GNA11: variants seen among roughly 807,000 people sequenced by gnomAD.
The protein encoded by GNA11 is G protein subunit alpha 11, also known as guanine nucleotide-binding protein subunit alpha-11.
Under a neutral mutation model 38.2 loss-of-function variants are expected in GNA11, and 8 were observed. The observed-to-expected ratio is 0.21, with a 90% CI of 0.12 to 0.38. The LOEUF is 0.38. Among genes scored for constraint, GNA11 ranks in the 10% least tolerant of loss-of-function variants. The probability of loss-of-function intolerance (pLI) is 1.00; values close to 1 mark genes in which losing one functional copy is unlikely to be tolerated. For synonymous variants in GNA11, 211 were observed against 221.4 expected, an observed-to-expected ratio of 0.95 and a Z score of 0.42; for missense variants, 268 against 516.3, an observed-to-expected ratio of 0.52 and a Z score of 4.66.
chr19:3,094,805 G>T lies in GNA11; in HGVS notation c.136+18G>T. 1.3e-6 allele frequency: 2 copies of T among 1,540,410 alleles called. No homozygotes were observed. Among genetic ancestry groups the T allele is most frequent in the South Asian group, 1.2e-5 (1 of 81,216 alleles). On this transcript the variant is annotated intron_variant, in intron 1 of 6. Coordinates refer to ENST00000078429, the MANE Select transcript of GNA11 (RefSeq NM_002067.5). The surrounding 1 kb of genome is among the most constrained non-coding windows in gnomAD (Gnocchi z 6.0). Reference sequence around the variant, plus strand: ...GCTGCTCGGTGAGTGCGGCCCCCGGGCCTGCCGGCTGCGGGCCCTGCCCTG... The same window carrying T: ...GCTGCTCGGTGAGTGCGGCCCCCGGTCCTGCCGGCTGCGGGCCCTGCCCTG...
In GNA11 at chr19:3,122,430, C is replaced by T. The variant is rs77600968; in HGVS notation, c.*1251C>T. The T allele has an allele frequency of 0.015, 3,518 of 231,262 alleles. 96 individuals carry two copies. The highest frequency in any genetic ancestry group is 0.052 in the African/African-American group (2,370 of 45,244). 14.3% of individuals were successfully genotyped at this position (231,262 alleles called of 1,614,324 possible). A position where few individuals can be genotyped will look rare whatever the true frequency, so the allele number is the denominator to read the frequency against. ...TTCCAGGCCTGGCTGGCCACGACCA[C>T]GGCCCGAGGGGGAGCCCGCCAGGCC... On this transcript the variant is annotated 3_prime_UTR_variant, in exon 7 of 7. Transcript: ENST00000078429. The surrounding 1 kb of genome is among the most constrained non-coding windows in gnomAD (Gnocchi z 7.7).
At chr19:3,118,774 G>A (rs1021108837) in intron 4 of GNA11, 150 bp from the exon 5 acceptor site, 6 of 710,284 alleles carry the variant, frequency 8.4e-6, no homozygotes, top group Admixed American at 5.0e-5. Context: ...CTCTGAGAGC[G>A]TCCTTGCCCG....
At position 3,123,642 on chromosome 19, in the gene GNA11, T is replaced by A. The variant is rs1914145980; in HGVS notation, c.*2463T>A. ...AAACCCATGCCCTGGGTCCCCCGGC[T>A]CCCCCAGGGAGGCATCCCCGTGCCA... On this transcript the variant is annotated 3_prime_UTR_variant, in exon 7 of 7. Transcript: ENST00000078429. 1 of 232,542 alleles carries A rather than the reference T, an allele frequency of 4.3e-6. No individual in the cohort carries two copies. Among genetic ancestry groups the A allele is most frequent in the Non-Finnish European group, 8.5e-6 (1 of 117,764 alleles). 14.4% of individuals were successfully genotyped at this position (232,542 alleles called of 1,614,324 possible).
In GNA11 at chr19:3,118,951, G is replaced by A. The variant is rs756381542; in HGVS notation, c.633G>A (p.Ser211=). ...TGGTGGATGTGGGGGGCCAGCGGTC[G>A]GAGCGGAGGAAGTGGATCCACTGCT... ...FRMVDVGGQR[S]ERRKWIHCFE... The change falls in exon 5 of 7, where the codon TCG becomes TCA. Residue 211 remains serine (S), a synonymous_variant. Transcript: ENST00000078429. 23 of 1,613,618 alleles carry A rather than the reference G, an allele frequency of 1.4e-5. No homozygotes were observed. The highest frequency in any genetic ancestry group is 6.7e-5 in the East Asian group (3 of 44,900).
At chr19:3,098,938 T>A (rs1398870471) in intron 1 of GNA11, among the ~76,000 whole-genome samples, 1 of 152,192 alleles carries the variant, frequency 6.6e-6, no homozygotes, top group Admixed American at 6.5e-5. Context: ...AAGGGTCTGC[T>A]TTTCCCGGGC....
rs1398530217 is a variant in GNA11, at chr19:3,108,663, T to C, written c.137-1486T>C. ...AGAAATTAGAAGTTAACTATTGCTGTGTAATGGGGTCACCCCAAAACTTCG... is the reference window on the plus strand; with the variant it reads ...AGAAATTAGAAGTTAACTATTGCTGCGTAATGGGGTCACCCCAAAACTTCG... On this transcript the variant is annotated intron_variant, in intron 1 of 6. Coordinates refer to ENST00000078429, the MANE Select transcript of GNA11 (RefSeq NM_002067.5). The surrounding 1 kb of genome is among the most constrained non-coding windows in gnomAD (Gnocchi z 4.5). 6.6e-6 allele frequency among the ~76,000 whole-genome samples: 1 copy of C among 152,232 alleles called. No homozygotes were observed. The highest frequency in any genetic ancestry group is 1.5e-5 in the Non-Finnish European group (1 of 68,034).
chr19:3,123,919 A>G lies in GNA11; in HGVS notation c.*2740A>G, dbSNP rs78003011. 0.033 allele frequency: 7,649 copies of G among 232,040 alleles called. 629 individuals carry two copies. The highest frequency in any genetic ancestry group is 0.17 in the East Asian group (2,864 of 16,412). The allele number at this position is 232,040 out of a possible 1,614,324, so 14.4% of individuals were successfully genotyped here. A position where few individuals can be genotyped will look rare whatever the true frequency, so the allele number is the denominator to read the frequency against. ...AGCCACCGGCCCTGACCCTTAATCC[A>G]GACACCGATGGAAGTCGACTTTTCA... On this transcript the variant is annotated 3_prime_UTR_variant, in exon 7 of 7. Coordinates refer to ENST00000078429, the MANE Select transcript of GNA11 (RefSeq NM_002067.5).
Position 3,114,590 on chromosome 19 carries a change from G to A in GNA11, c.477-354G>A, listed in dbSNP as rs57763090. On this transcript the variant is annotated intron_variant, in intron 3 of 6. Transcript: ENST00000078429. ...CCCTGGGGCCAGCCAGGCCTCTCTC[G>A]GGAAGTCCCCTGCCCTGGGTCACCG... Among the ~76,000 whole-genome samples the A allele has an allele frequency of 9.9e-3, 1,502 of 152,248 alleles. 29 individuals are homozygous for A. The highest frequency in any genetic ancestry group is 0.035 in the African/African-American group (1,435 of 41,568).
At position 3,121,233 on chromosome 19, in the gene GNA11, C is replaced by T. The variant is rs540737813; in HGVS notation, c.*54C>T. ...GACACGGGGCAGGACCTTCCTTCCA[C>T]GGAGCCTGCGGCTGCCGGGCGGGTG... On this transcript the variant is annotated 3_prime_UTR_variant, in exon 7 of 7. Coordinates refer to ENST00000078429, the MANE Select transcript of GNA11 (RefSeq NM_002067.5). 176 of 1,417,296 alleles carry T rather than the reference C, an allele frequency of 1.2e-4. 2 individuals carry two copies. Among genetic ancestry groups the T allele is most frequent in the South Asian group, 6.7e-4 (55 of 82,514 alleles). The allele number at this position is 1,417,296 out of a possible 1,614,324, so 87.8% of individuals were successfully genotyped here. A position where few individuals can be genotyped will look rare whatever the true frequency, so the allele number is the denominator to read the frequency against.
At chr19:3,098,844 G>T (rs1323350836) in intron 1 of GNA11, among the ~76,000 whole-genome samples, 1 of 152,094 alleles carries the variant, frequency 6.6e-6, no homozygotes, top group East Asian at 1.9e-4. Flanking sequence ...CCGAGCCCAG[G>T]CCAGGGAGAC....
rs190608339 is a variant in GNA11 at position 3,108,025 on chromosome 19, T to G, written c.137-2124T>G. Among the ~76,000 whole-genome samples, 9 of 152,290 alleles carry G rather than the reference T, an allele frequency of 5.9e-5. No homozygotes were observed. The highest frequency in any genetic ancestry group is 1.2e-4 in the Non-Finnish European group (8 of 68,016). ...GGATTACTACCTGAGACAATCAAAATCAATTTTCTTTCTTCTGAAAAGGAC... is the reference window on the plus strand; with the variant it reads ...GGATTACTACCTGAGACAATCAAAAGCAATTTTCTTTCTTCTGAAAAGGAC... On this transcript the variant is annotated intron_variant, in intron 1 of 6. Transcript: ENST00000078429. This position sits in a 1 kb window ranked among gnomAD's most constrained non-coding sequence, Gnocchi z 4.5.
intron 4 of GNA11, among the ~76,000 whole-genome samples, chr19:3,115,694 G>A (rs1913894537): frequency 1.3e-5 from 2 of 149,538 alleles, no homozygotes; most frequent in African/African-American, 5.0e-5. Flanking sequence ...TGCGGGAGGG[G>A]TCATAGGGAC....
rs1914088077 is a variant in GNA11, at chr19:3,121,788, GA to G, written c.*610del. 8.6e-6 allele frequency: 2 copies of G among 232,816 alleles called. No homozygotes were observed. The highest frequency in any genetic ancestry group is 2.2e-5 in the African/African-American group (1 of 45,348). The allele number at this position is 232,816 out of a possible 1,614,324, so 14.4% of individuals were successfully genotyped here. On this transcript the variant is annotated 3_prime_UTR_variant, in exon 7 of 7. Coordinates refer to ENST00000078429, the MANE Select transcript of GNA11 (RefSeq NM_002067.5). Reference sequence around the variant, plus strand: ...GTGCTTTGCCCACTGGACTCCTGAAGAGGGGGTGGGGGGCTCCCTCGGTCGC... The same window carrying G: ...GTGCTTTGCCCACTGGACTCCTGAAGGGGGGTGGGGGGCTCCCTCGGTCGC...
chr19:3,111,655 T>C (rs966513443), intron 2 of GNA11, among the ~76,000 whole-genome samples: 12 of 152,226 alleles, frequency 7.9e-5, no homozygotes, highest in African/African-American at 2.9e-4. Flanking sequence ...GGATGATGTG[T>C]TCCCTTCCCT....
At position 3,119,350 on chromosome 19, in the gene GNA11, G is replaced by A. The variant is rs745554999; in HGVS notation, c.880G>A (p.Glu294Lys). 5.6e-6 allele frequency: 9 copies of A among 1,613,562 alleles called. No individual in the cohort carries two copies. Among genetic ancestry groups the A allele is most frequent in the East Asian group, 4.5e-5 (2 of 44,868 alleles). ...LYSHLVDYFP[E>K]FDGPQRDAQA... ...CTCGCACCTGGTGGACTACTTCCCC[G>A]AGTTCGATGGTGCGCCGGGCTGCGG... is the stretch of plus-strand genomic sequence containing the variant. Residue 294 changes from glutamate to lysine, a missense_variant, in exon 6 of 7, where the codon GAG becomes AAG. Coordinates refer to ENST00000078429, the MANE Select transcript of GNA11 (RefSeq NM_002067.5). The surrounding 1 kb of genome is among the most constrained non-coding windows in gnomAD (Gnocchi z 4.6).
chr19:3,105,872 G>A (rs1913627976), intron 1 of GNA11, among the ~76,000 whole-genome samples: 1 of 152,168 alleles, frequency 6.6e-6, no homozygotes. Flanking sequence ...TGGACAGAAG[G>A]CTCTGTCCTG....
intron 1 of GNA11, among the ~76,000 whole-genome samples, chr19:3,097,125 G>A (rs1295216675): frequency 3.9e-5 from 6 of 152,126 alleles, no homozygotes; most frequent in Admixed American, 2.0e-4. Context: ...GGCCAGCCCC[G>A]AGCTTGCGAT....
At chr19:3,098,272 C>T (rs764176655) in intron 1 of GNA11, among the ~76,000 whole-genome samples, 4 of 152,240 alleles carry the variant, frequency 2.6e-5, no homozygotes, top group African/African-American at 4.8e-5. Flanking sequence ...ACTTAGTGCA[C>T]ACGCTGCTCC....
At chr19:3,113,261 C>T (rs1913820953) in intron 2 of GNA11, 69 bp from the exon 3 acceptor site, 9 of 1,476,018 alleles carry the variant, frequency 6.1e-6, no homozygotes, top group Admixed American at 1.7e-5. Flanking sequence ...GAAGAGGGGC[C>T]GTCACAAGCT....
Sources: gnomAD v4.1 joint callset for allele counts (sites outside exome capture counted in the v4.1 genomes callset) on GRCh38, gnomAD v4.1.1 for gene constraint, Gnocchi (gnomAD v3.1) non-coding constraint, MANE v1.5 for transcripts, NCBI Gene and HGNC (gene_info 2026-07-23, HGNC 2026-07-21) for gene names.